Variants in PRTN3 observed in about 807,000 individuals in gnomAD.
PRTN3 encodes the protein proteinase 3.
Under a neutral mutation model 20.7 loss-of-function variants are expected in PRTN3, and 22 were observed. The ratio of observed to expected loss-of-function variants is 1.06; its 90% CI spans 0.76 to 1.52. The LOEUF is 1.52. PRTN3 is among the 40% of genes most tolerant of loss of function. The pLI is 0.00. For missense variants in PRTN3, 378 were observed against 359.6 expected (o/e 1.05, Z -0.41); for synonymous variants, 173 against 152.9 (o/e 1.13, Z -0.97).
At chr19:846,950 T>C (rs530195073) in intron 4 of PRTN3, among the ~76,000 whole-genome samples, 1 of 152,254 alleles carries the variant, frequency 6.6e-6, no homozygotes, top group South Asian at 2.1e-4. Context: ...TTCTCCATGT[T>C]GACCAGGCTG....
intron 1 of PRTN3, among the ~76,000 whole-genome samples, chr19:841,767 G>C (rs12985857): frequency 1.7e-5 from 2 of 119,716 alleles, no homozygotes; most frequent in Admixed American, 9.1e-5. Context: ...TCGCCCTGTC[G>C]CCCAGGCTGG....
At position 843,920 on chromosome 19, in the gene PRTN3, C is replaced by CGGAGCCCACAACGTGCGGACGCA; in HGVS notation, c.265_287dup (p.Gln97ThrfsTer19). ...CCCAGCGCCTGGTGAACGTGGTGCTCGGAGCCCACAACGTGCGGACGCAGG... is the reference window on the plus strand; with the variant it reads ...CCCAGCGCCTGGTGAACGTGGTGCTCGGAGCCCACAACGTGCGGACGCAGGAGCCCACAACGTGCGGACGCAGG... On this transcript the variant is annotated frameshift_variant, in exon 3 of 5. Coordinates refer to ENST00000234347, the MANE Select transcript of PRTN3 (RefSeq NM_002777.4). LOFTEE classifies it high-confidence loss of function. The CGGAGCCCACAACGTGCGGACGCA allele has an allele frequency of 6.3e-7, 1 of 1,596,770 alleles. No individual in the cohort carries two copies. The highest frequency in any genetic ancestry group is 8.5e-7 in the Non-Finnish European group (1 of 1,172,754).
intron 2 of PRTN3, 51 bp from the exon 3 acceptor site, chr19:843,829 AGGGCCGGCTGTGG>A: frequency 6.6e-7 from 1 of 1,514,958 alleles, no homozygotes; most frequent in South Asian, 1.3e-5. Context: ...GGCCTCGGGA[AGGGCCGGCTGTGG>A]GCGGCGGCGA....
intron 1 of PRTN3, among the ~76,000 whole-genome samples, chr19:842,364 TG>T (rs1329870759): frequency 5.3e-5 from 8 of 150,484 alleles, no homozygotes; most frequent in African/African-American, 9.8e-5. Context: ...TGTTTTGTTT[TG>T]TTTTTTTGAG....
chr19:846,288 C>A lies in PRTN3; in HGVS notation c.511C>A (p.Gln171Lys). The A allele has an allele frequency of 6.3e-7, 1 of 1,592,124 alleles. No individual in the cohort carries two copies. Among genetic ancestry groups the A allele is most frequent in the Non-Finnish European group, 8.5e-7 (1 of 1,169,920 alleles). Residue 171 changes from glutamine to lysine, a missense_variant, in exon 4 of 5, where the codon CAG (glutamine) becomes AAG (lysine). Gln to Lys is a moderately conservative substitution (Grantham distance 53). Coordinates refer to ENST00000234347, the MANE Select transcript of PRTN3 (RefSeq NM_002777.4). ...CCACGACCCCCCAGCCCAGGTCCTG[C>A]AGGAGCTCAATGTCACCGTGGTCAC... ...GAHDPPAQVL[Q>K]ELNVTVVTFF... is the part of the protein sequence containing the mutation.
chr19:844,134 G>A (rs2035483180), intron 3 of PRTN3, 100 bp downstream of exon 3: 2 of 1,432,318 alleles, frequency 1.4e-6, no homozygotes, highest in South Asian at 1.4e-5. Flanking sequence ...ACTGTATACC[G>A]GGCCACGACC....
intron 1 of PRTN3, 46 bp downstream of exon 1, chr19:841,115 G>T: frequency 1.3e-6 from 2 of 1,588,782 alleles, no homozygotes. Flanking sequence ...GGCCCCGGTG[G>T]ATTGTGGGGA....
intron 1 of PRTN3, 50 bp from the exon 2 acceptor site, chr19:843,411 C>A (rs775197271): frequency 3.3e-6 from 5 of 1,494,006 alleles, no homozygotes; most frequent in African/African-American, 1.4e-5. Context: ...GCCATCCCCC[C>A]TTTCCCTGCA....
chr19:846,460 G>C, intron 4 of PRTN3, 83 bp downstream of exon 4: 1 of 1,326,172 alleles, frequency 7.5e-7, no homozygotes, highest in Non-Finnish European at 1.0e-6. Flanking sequence ...CCACCTCTTA[G>C]CTGTGTGGCT....
At chr19:847,583 A>G (rs111816548) in intron 4 of PRTN3, among the ~76,000 whole-genome samples, 93 of 144,556 alleles carry the variant, frequency 6.4e-4, no homozygotes, top group East Asian at 3.2e-3. Context: ...GAGAGAGAGA[A>G]AGAAAGAAAG....
At chr19:841,184 G>A in intron 1 of PRTN3, 115 bp downstream of exon 1, 1 of 1,368,542 alleles carries the variant, frequency 7.3e-7, no homozygotes, top group Non-Finnish European at 1.0e-6. Context: ...AACTGAGGCA[G>A]GGTCAGGGGA....
At chr19:847,555 A>AAGAAAAAGAAAGAAAG (rs764122589) in intron 4 of PRTN3, among the ~76,000 whole-genome samples, 16 of 115,826 alleles carry the variant, frequency 1.4e-4, no homozygotes, top group African/African-American at 6.0e-4. Context: ...AAGAAAAAGA[A>AAGAAAAAGAAAGAAAG]AGAGAGAGAG....
chr19:844,298 CG>C (rs1285458854), intron 3 of PRTN3, among the ~76,000 whole-genome samples: 1 of 112,744 alleles, frequency 8.9e-6, no homozygotes, highest in Admixed American at 8.6e-5. Flanking sequence ...GCCTCTCCCC[CG>C]CCCGCGCCTC....
rs1002386568 is a variant in PRTN3, at chr19:848,056, G to A, written c.*87G>A. ...CTTTGGACAGAAGCAGCTCTTCCCC[G>A]AACACTGTGGCGTCCGGGACGGCCC... On this transcript the variant is annotated 3_prime_UTR_variant, in exon 5 of 5. Transcript: ENST00000234347. The A allele has an allele frequency of 2.7e-6, 4 of 1,459,398 alleles. No individual in the cohort carries two copies. Among genetic ancestry groups the A allele is most frequent in the Non-Finnish European group, 2.7e-6 (3 of 1,094,112 alleles). 90.4% of individuals were successfully genotyped at this position (1,459,398 alleles called of 1,614,324 possible).
At chr19:843,401 G>T in intron 1 of PRTN3, 60 bp from the exon 2 acceptor site, 2 of 1,469,566 alleles carry the variant, frequency 1.4e-6, no homozygotes, top group Non-Finnish European at 1.8e-6. Context: ...GGGCTGCTCT[G>T]CCATCCCCCC....
intron 1 of PRTN3, among the ~76,000 whole-genome samples, chr19:842,606 T>TTTTTTTTTA (rs2035460969): frequency 3.5e-5 from 5 of 141,410 alleles, no homozygotes; most frequent in African/African-American, 1.1e-4. Context: ...TTTTTTTTTT[T>TTTTTTTTTA]GAGACGGAGT....
intron 1 of PRTN3, among the ~76,000 whole-genome samples, chr19:842,712 G>A (rs1056136867): frequency 7.5e-5 from 11 of 147,490 alleles, no homozygotes; most frequent in African/African-American, 1.3e-4. Context: ...GTCAACCTCC[G>A]GAGTAGCTGG....
In PRTN3 at chr19:847,935, C is replaced by CACG; in HGVS notation, c.737_738insACG (p.Thr246_Leu247insArg). 6.2e-7 allele frequency: 1 copy of CACG among 1,606,266 alleles called. No individual in the cohort carries two copies. The highest frequency in any genetic ancestry group is 8.5e-7 in the Non-Finnish European group (1 of 1,176,406). Reference sequence around the variant, plus strand: ...CTCTACGTGGACTGGATCCGTTCCACGCTGCGCCGTGTGGAGGCCAAGGGC... The same window carrying CACG: ...CTCTACGTGGACTGGATCCGTTCCACACGGCTGCGCCGTGTGGAGGCCAAGGGC... On this transcript the variant is annotated inframe_insertion, in exon 5 of 5. Transcript: ENST00000234347.
chr19:841,067 G>A lies in PRTN3; in HGVS notation c.59G>A (p.Ser20Asn), dbSNP rs777233455. ...LASVLLALLLSGAARAAEIVG... is the reference protein window; with the variant it reads ...LASVLLALLLNGAARAAEIVG... ...TCCGTGCTGCTGGCCTTGCTGCTGA[G>A]CGGTGAGTGAGCCACGTGCCCATCC... Residue 20 changes from serine to asparagine, a missense_variant and splice_region_variant, in exon 1 of 5, where the codon AGC becomes AAC. Coordinates refer to ENST00000234347, the MANE Select transcript of PRTN3 (RefSeq NM_002777.4). 2.5e-6 allele frequency: 4 copies of A among 1,605,264 alleles called. No individual in the cohort carries two copies. The highest frequency in any genetic ancestry group is 2.5e-6 in the Non-Finnish European group (3 of 1,179,824).
Sources: allele counts gnomAD v4.1 joint callset (sites outside exome capture counted in the v4.1 genomes callset), GRCh38; gene constraint gnomAD v4.1.1; transcripts MANE v1.5; gene names NCBI Gene and HGNC (gene_info 2026-07-23, HGNC 2026-07-21).